CCNH: variants seen among roughly 807,000 people sequenced by gnomAD.
The protein encoded by CCNH is cyclin-H.
A neutral mutation model predicts 41.9 loss-of-function variants in CCNH; 31 were observed. The ratio of observed to expected loss-of-function variants is 0.74; its 90% CI spans 0.56 to 1.00. The LOEUF (loss-of-function observed/expected upper bound fraction) is 1.00, where lower values mean the gene tolerates loss of function less well. Ranked by LOEUF, CCNH falls within the 50% of genes least tolerant of loss-of-function variation. The probability of loss-of-function intolerance (pLI) is 0.00; values close to 1 mark genes in which losing one functional copy is unlikely to be tolerated. For synonymous variants in CCNH, 138 were observed against 136.1 expected, an observed-to-expected ratio of 1.01 and a Z score of -0.10; for missense variants, 362 against 388.4, an observed-to-expected ratio of 0.93 and a Z score of 0.57.
intron 9 of CCNH, chr5:87,332,357 G>T: frequency 1.3e-6 from 1 of 747,522 alleles, no homozygotes; most frequent in Non-Finnish European, 2.1e-6. Context: ...TTACTGTGAT[G>T]AAGATACTAA....
chr5:87,368,151 A>G (rs184231767), intron 9 of CCNH, among the ~76,000 whole-genome samples: 2 of 152,094 alleles, frequency 1.3e-5, no homozygotes, highest in East Asian at 1.9e-4. Flanking sequence ...AAGTTGCACT[A>G]TTTCCCATGC....
At chr5:87,331,596 A>G in intron 9 of CCNH, 2 of 1,338,560 alleles carry the variant, frequency 1.5e-6, no homozygotes, top group Admixed American at 1.7e-5. Flanking sequence ...TGACTCAGTA[A>G]CAAATAATAG....
Position 87,412,820 on chromosome 5 carries a change from G to A in CCNH, c.-26C>T, listed in dbSNP as rs1304616338. 6.2e-7 allele frequency: 1 copy of A among 1,607,858 alleles called. No homozygotes were observed. The highest frequency in any genetic ancestry group is 2.2e-5 in the East Asian group (1 of 44,628). The stretch of plus-strand genomic sequence containing the variant: ...TATGGAATCGTGACCAGGTCCAGAG[G>A]GTCTGCAGACGAGAACCCAAACGCA... On this transcript the variant is annotated 5_prime_UTR_variant, in exon 1 of 9. Coordinates refer to ENST00000256897, the MANE Select transcript of CCNH (RefSeq NM_001239.4).
chr5:87,396,321 C>T (rs1762956349), intron 7 of CCNH, among the ~76,000 whole-genome samples: 1 of 152,028 alleles, frequency 6.6e-6, no homozygotes, highest in Admixed American at 6.6e-5. Context: ...CTATAAAGCA[C>T]TACAAACCAC....
intron 9 of CCNH, among the ~76,000 whole-genome samples, chr5:87,384,446 C>A (rs1761932415): frequency 6.6e-6 from 1 of 152,064 alleles, no homozygotes; most frequent in Non-Finnish European, 1.5e-5. Flanking sequence ...CCTTAATAAT[C>A]TGAAGCTCAA....
exon 1 of CCNH, chr5:87,376,343 A>G: frequency 1.9e-6 from 3 of 1,599,026 alleles, no homozygotes; most frequent in Non-Finnish European, 2.6e-6. Flanking sequence ...TTGCATGACT[A>G]ATTATCGTGT....
In CCNH at chr5:87,411,257, C is replaced by T. The variant is rs766336533; in HGVS notation, c.207G>A (p.Ser69=). 1.2e-6 allele frequency: 2 copies of T among 1,612,336 alleles called. No homozygotes were observed. Among genetic ancestry groups the T allele is most frequent in the East Asian group, 2.2e-5 (1 of 44,766 alleles). The change falls in exon 2 of 9, where the codon TCG becomes TCA. Residue 69 remains serine, a synonymous_variant. Transcript: ENST00000256897. ...YYEKRLLEFC[S]VFKPAMPRSV... is the part of the protein sequence containing the mutation. ...ATCTTGGCATTGCTGGCTTAAACAC[C>T]GAACAGAATTCCAATAACCTTTTCT...
At chr5:87,410,197 A>T (rs890208897) in intron 2 of CCNH, among the ~76,000 whole-genome samples, 1 of 152,232 alleles carries the variant, frequency 6.6e-6, no homozygotes, top group African/African-American at 2.4e-5. Context: ...GTCATTATGT[A>T]AAACAAAAAA....
chr5:87,357,223 C>T (rs1759717388), intron 9 of CCNH, among the ~76,000 whole-genome samples: 1 of 151,856 alleles, frequency 6.6e-6, no homozygotes, highest in Non-Finnish European at 1.5e-5. Flanking sequence ...ATATAACATA[C>T]ACACACATAT....
intron 7 of CCNH, among the ~76,000 whole-genome samples, chr5:87,397,692 G>T (rs1763076168): frequency 6.6e-6 from 1 of 152,162 alleles, no homozygotes; most frequent in African/African-American, 2.4e-5. Flanking sequence ...TGGCAATCTG[G>T]AATACAATGT....
chr5:87,348,726 T>C (rs1209247127), intron 9 of CCNH, among the ~76,000 whole-genome samples: 1 of 151,842 alleles, frequency 6.6e-6, no homozygotes, highest in Admixed American at 6.6e-5. Context: ...CCTGGATAGC[T>C]GGGATTATAT....
downstream of CCNH, chr5:87,391,128 T>G (rs1174165879): frequency 1.7e-6 from 1 of 597,598 alleles, no homozygotes; most frequent in African/African-American, 1.9e-5. Flanking sequence ...CCTCTGAGCC[T>G]TGGTGTACAG....
intron 9 of CCNH, among the ~76,000 whole-genome samples, chr5:87,344,167 TAACTA>T (rs1019321461): frequency 2.6e-5 from 4 of 152,066 alleles, no homozygotes; most frequent in Non-Finnish European, 5.9e-5. Flanking sequence ...TATTTAAAAA[TAACTA>T]AAAGAGTGGA....
chr5:87,357,231 T>C (rs545176462), intron 9 of CCNH, among the ~76,000 whole-genome samples: 2 of 152,034 alleles, frequency 1.3e-5, no homozygotes, highest in East Asian at 3.9e-4. Flanking sequence ...TACACACACA[T>C]ATATAAATAT....
chr5:87,335,777 G>A (rs1446836390), intron 9 of CCNH, among the ~76,000 whole-genome samples: 2 of 152,140 alleles, frequency 1.3e-5, no homozygotes, highest in African/African-American at 4.8e-5. Flanking sequence ...AGAAGATATA[G>A]ATAGCTCAGT....
downstream of CCNH, chr5:87,394,236 G>A (rs539572500): frequency 2.7e-5 from 33 of 1,221,446 alleles, no homozygotes; most frequent in African/African-American, 2.2e-4. Flanking sequence ...TATTAGTCAC[G>A]ATGGAATAAG....
At chr5:87,372,647 C>T (rs181079295), downstream of CCNH, among the ~76,000 whole-genome samples, 2 of 152,240 alleles carry the variant, frequency 1.3e-5, no homozygotes, top group African/African-American at 2.4e-5. Flanking sequence ...GTAACATGCC[C>T]TATACTTTGA....
intron 9 of CCNH, among the ~76,000 whole-genome samples, chr5:87,349,905 T>C (rs1323741167): frequency 2.0e-5 from 3 of 151,866 alleles, no homozygotes; most frequent in African/African-American, 7.2e-5. Flanking sequence ...AATAAGTTAA[T>C]AGAAGAAACC....
At chr5:87,369,272 C>T (rs1760751694) in intron 9 of CCNH, among the ~76,000 whole-genome samples, 1 of 152,034 alleles carries the variant, frequency 6.6e-6, no homozygotes, top group South Asian at 2.1e-4. Flanking sequence ...TGAAATAATA[C>T]TAAAGGAAGA....
Sources: gnomAD v4.1 joint callset for allele counts (sites outside exome capture counted in the v4.1 genomes callset) on GRCh38, gnomAD v4.1.1 for gene constraint, MANE v1.5 for transcripts, NCBI Gene and HGNC (gene_info 2026-07-23, HGNC 2026-07-21) for gene names.